Variants in SORCS2 observed in about 807,000 individuals in gnomAD.
SORCS2 encodes the protein VPS10 domain-containing receptor SorCS2.
Under a neutral mutation model 141.6 loss-of-function variants are expected in SORCS2, and 100 were observed. The observed-to-expected ratio is 0.71, with a 90% CI of 0.60 to 0.83. SORCS2 has a LOEUF of 0.83. SORCS2 is among the 40% of genes least tolerant of loss of function. The pLI, the probability that SORCS2 is intolerant of heterozygous loss-of-function variation, is 0.00. For synonymous variants in SORCS2, 789 were observed against 676.9 expected (o/e 1.17, Z -2.57); for missense variants, 1,646 against 1,560.2 (o/e 1.05, Z -0.93).
intron 2 of SORCS2, among the ~76,000 whole-genome samples, chr4:7,492,264 T>C (rs1731361944): frequency 1.3e-5 from 2 of 152,252 alleles, no homozygotes; most frequent in South Asian, 2.1e-4. Flanking sequence ...GTAACTACCA[T>C]TCTACTCTCT....
intron 1 of SORCS2, among the ~76,000 whole-genome samples, chr4:7,198,270 C>T (rs1727283439): frequency 6.6e-6 from 1 of 152,132 alleles, no homozygotes; most frequent in Non-Finnish European, 1.5e-5. Context: ...CCAGGCCAGC[C>T]TCCAGAGTGC....
At position 7,666,266 on chromosome 4, in the gene SORCS2, G is replaced by T. The variant is rs559638851; in HGVS notation, c.1072-858G>T. On this transcript the variant is annotated intron_variant, in intron 7 of 26. Coordinates refer to ENST00000507866, the MANE Select transcript of SORCS2 (RefSeq NM_020777.3). ...TGTGTTCAGACCCGATCGCAGGGTG[G>T]TCTCGTTCTGCACAAGGTCACAGAC... Among the ~76,000 whole-genome samples the T allele has an allele frequency of 9.2e-5, 14 of 152,278 alleles. No homozygotes were observed. The East Asian group carries it at 2.7e-3, about 29-fold the overall frequency.
intron 3 of SORCS2, among the ~76,000 whole-genome samples, chr4:7,598,001 C>T (rs1172995836): frequency 5.5e-5 from 8 of 146,634 alleles, no homozygotes; most frequent in Admixed American, 6.8e-5. Flanking sequence ...TGGAGTCTTG[C>T]CCTGTTGCCC....
chr4:7,641,633 T>C lies in SORCS2; in HGVS notation c.813+3141T>C, dbSNP rs188489888. Among the ~76,000 whole-genome samples, 977 of 152,348 alleles carry C rather than the reference T, an allele frequency of 6.4e-3. 6 individuals carry two copies. Among genetic ancestry groups the C allele is most frequent in the Middle Eastern group, 0.017 (5 of 294 alleles). On this transcript the variant is annotated intron_variant, in intron 4 of 26. Coordinates refer to ENST00000507866, the MANE Select transcript of SORCS2 (RefSeq NM_020777.3). The stretch of plus-strand genomic sequence containing the variant: ...GAGGGCAGGGAAAGTGTCTGGTCTT[T>C]TTCACCATTTTAATCTAAAGTGCCC...
chr4:7,252,197 G>A (rs553584557), intron 1 of SORCS2, among the ~76,000 whole-genome samples: 1 of 152,220 alleles, frequency 6.6e-6, no homozygotes, highest in Non-Finnish European at 1.5e-5. Context: ...AGGCTGGGGA[G>A]TCGCCAAGGA....
At chr4:7,641,677 G>C (rs1259482856) in intron 4 of SORCS2, among the ~76,000 whole-genome samples, 1 of 152,104 alleles carries the variant, frequency 6.6e-6, no homozygotes, top group African/African-American at 2.4e-5. Context: ...ATATTAGTTG[G>C]ATGGACAGAT....
At chr4:7,478,880 G>A (rs1730460127) in intron 2 of SORCS2, among the ~76,000 whole-genome samples, 1 of 152,248 alleles carries the variant, frequency 6.6e-6, no homozygotes, top group South Asian at 2.1e-4. Context: ...CTTCGGCTCT[G>A]TGTTGGCAGG....
chr4:7,299,634 T>C (rs1717306704), intron 1 of SORCS2, among the ~76,000 whole-genome samples: 1 of 152,210 alleles, frequency 6.6e-6, no homozygotes, highest in Non-Finnish European at 1.5e-5. Context: ...AGGGAGCACG[T>C]CTCATCCCTG....
At chr4:7,479,335 C>T (rs1560318339) in intron 2 of SORCS2, among the ~76,000 whole-genome samples, 2 of 149,604 alleles carry the variant, frequency 1.3e-5, no homozygotes, top group Non-Finnish European at 3.0e-5. Flanking sequence ...TCTCCACGTG[C>T]CGCCCTGAGC....
chr4:7,420,883 G>A (rs1318900822), intron 2 of SORCS2, among the ~76,000 whole-genome samples: 1 of 152,150 alleles, frequency 6.6e-6, no homozygotes, highest in Admixed American at 6.5e-5. Context: ...TCTCGGCTTG[G>A]CGCGGAGCCT....
intron 2 of SORCS2, among the ~76,000 whole-genome samples, chr4:7,525,659 CCTCAGTCACCTGTCCCCAA>C (rs1178986254): frequency 5.3e-5 from 8 of 152,254 alleles, no homozygotes; most frequent in East Asian, 1.9e-4. Context: ...TCCTCCACCT[CCTCAGTCACCTGTCCCCAA>C]CTCAGTCACC....
rs917969397 is a variant in SORCS2 at position 7,193,598 on chromosome 4, G to A, written c.480+472G>A. 3.3e-5 allele frequency among the ~76,000 whole-genome samples: 5 copies of A among 152,080 alleles called. No homozygotes were observed. The highest frequency in any genetic ancestry group is 7.2e-5 in the African/African-American group (3 of 41,422). On this transcript the variant is annotated intron_variant, in intron 1 of 26. Coordinates refer to ENST00000507866, the MANE Select transcript of SORCS2 (RefSeq NM_020777.3). The surrounding 1 kb of genome is among the most constrained non-coding windows in gnomAD (Gnocchi z 4.8). The stretch of plus-strand genomic sequence containing the variant: ...CCGCGGTGGCGCCTCCGCAGGCTCC[G>A]GGACTTCCCCGGTCAGCTCGAATCC...
chr4:7,660,725 T>G (rs771060113), intron 5 of SORCS2, among the ~76,000 whole-genome samples: 1 of 152,210 alleles, frequency 6.6e-6, no homozygotes, highest in Non-Finnish European at 1.5e-5. Flanking sequence ...TGAATGCAGA[T>G]GAAGGCACCT....
chr4:7,492,114 A>C (rs1032875086), intron 2 of SORCS2, among the ~76,000 whole-genome samples: 1 of 152,176 alleles, frequency 6.6e-6, no homozygotes, highest in Admixed American at 6.5e-5. Context: ...CCCTCTCAAG[A>C]GACAGGTGCA....
In SORCS2 at chr4:7,729,580, C is replaced by T. The variant is rs760367651; in HGVS notation, c.2983-7C>T. The T allele has an allele frequency of 9.5e-6, 15 of 1,576,970 alleles. No homozygotes were observed. In the South Asian group the frequency reaches 1.4e-4, roughly 15 times the overall value. On this transcript the variant is annotated splice_region_variant and splice_polypyrimidine_tract_variant and intron_variant, in intron 22 of 26. Coordinates refer to ENST00000507866, the MANE Select transcript of SORCS2 (RefSeq NM_020777.3). ...GGCGGACCAAAGTGGCTTAACTCTC[C>T]CCGCAGGAGACCAGCGTCCCTCAGG... is the stretch of plus-strand genomic sequence containing the variant.
chr4:7,281,368 G>A (rs979058872), intron 1 of SORCS2, among the ~76,000 whole-genome samples: 10 of 152,086 alleles, frequency 6.6e-5, no homozygotes, highest in Admixed American at 2.0e-4. Flanking sequence ...CCCTTCATTC[G>A]GGGTGTCCCC....
chr4:7,615,816 G>C (rs193134235), intron 3 of SORCS2, among the ~76,000 whole-genome samples: 133 of 152,274 alleles, frequency 8.7e-4, no homozygotes, highest in Non-Finnish European at 1.5e-3. Context: ...AGCTGACCAG[G>C]GGTGACCAAC....
At chr4:7,252,713 G>T (rs1272256244) in intron 1 of SORCS2, among the ~76,000 whole-genome samples, 1 of 152,120 alleles carries the variant, frequency 6.6e-6, no homozygotes. Context: ...CATTGTGCCG[G>T]TCTGACAGGC....
At chr4:7,468,811 T>A (rs1300686858) in intron 2 of SORCS2, among the ~76,000 whole-genome samples, 1 of 152,028 alleles carries the variant, frequency 6.6e-6, no homozygotes, top group Non-Finnish European at 1.5e-5. Context: ...CATTCGGGGG[T>A]TTGGGTCTGG....
Sources: allele counts gnomAD v4.1 joint callset (sites outside exome capture counted in the v4.1 genomes callset), GRCh38; gene constraint gnomAD v4.1.1; non-coding constraint Gnocchi (gnomAD v3.1); transcripts MANE v1.5; gene names NCBI Gene and HGNC (gene_info 2026-07-23, HGNC 2026-07-21).